TFEC: variants seen among roughly 807,000 people sequenced by gnomAD.
TFEC encodes transcription factor EC.
TFEC carries 31 observed loss-of-function variants against 41.6 expected under a neutral mutation model. The ratio of observed to expected loss-of-function variants is 0.74; its 90% confidence interval spans 0.56 to 1.01. TFEC has a LOEUF of 1.01. Among genes scored for constraint, TFEC ranks in the 50% least tolerant of loss-of-function variants. The pLI, the probability that TFEC is intolerant of heterozygous loss-of-function variation, is 0.00. For missense variants in TFEC, 402 were observed against 404.1 expected (o/e 0.99, Z 0.04); for synonymous variants, 143 against 140.6 (o/e 1.02, Z -0.12).
At chr7:115,967,625 CTG>C (rs1367750761) in intron 3 of TFEC, among the ~76,000 whole-genome samples, 1 of 151,710 alleles carries the variant, frequency 6.6e-6, no homozygotes, top group South Asian at 2.1e-4. Flanking sequence ...AGAAATCCCA[CTG>C]TGTTATTGCT....
chr7:115,995,934 T>C (rs1206324901), intron 1 of TFEC, among the ~76,000 whole-genome samples: 1 of 152,226 alleles, frequency 6.6e-6, no homozygotes, highest in African/African-American at 2.4e-5. Flanking sequence ...GTCAGAAGTT[T>C]AGTTCTTGCA....
chr7:116,039,655 A>G (rs1795989207), intron 3 of TFEC, among the ~76,000 whole-genome samples: 1 of 152,092 alleles, frequency 6.6e-6, no homozygotes, highest in Non-Finnish European at 1.5e-5. Flanking sequence ...AATTATTATT[A>G]AAGAAATAAA....
At chr7:115,965,513 C>A (rs180771891) in intron 3 of TFEC, among the ~76,000 whole-genome samples, 1 of 151,498 alleles carries the variant, frequency 6.6e-6, no homozygotes, top group Admixed American at 6.6e-5. Context: ...AAAATAGCAC[C>A]CTTTTTTTTC....
At chr7:115,962,802 T>C (rs997921507) in intron 3 of TFEC, among the ~76,000 whole-genome samples, 2 of 151,850 alleles carry the variant, frequency 1.3e-5, no homozygotes, top group Non-Finnish European at 2.9e-5. Flanking sequence ...CCAGAATATA[T>C]ACATAAAAAC....
intron 3 of TFEC, among the ~76,000 whole-genome samples, chr7:116,077,314 A>T (rs890837114): frequency 2.0e-5 from 3 of 152,158 alleles, no homozygotes; most frequent in African/African-American, 7.2e-5. Flanking sequence ...ATACACCAAA[A>T]TAGAACCTCC....
chr7:115,988,969 G>C (rs993375617), intron 1 of TFEC, among the ~76,000 whole-genome samples: 4 of 152,052 alleles, frequency 2.6e-5, no homozygotes, highest in African/African-American at 9.7e-5. Context: ...GGGATTGAGG[G>C]GGAAAAAACC....
chr7:116,033,078 T>C (rs982385194), upstream of TFEC, among the ~76,000 whole-genome samples: 1 of 151,928 alleles, frequency 6.6e-6, no homozygotes, highest in Non-Finnish European at 1.5e-5. Context: ...AAGATGCATT[T>C]CAGTTAATTA....
At chr7:116,055,301 C>G (rs1796400861) in intron 3 of TFEC, among the ~76,000 whole-genome samples, 1 of 151,956 alleles carries the variant, frequency 6.6e-6, no homozygotes, top group Non-Finnish European at 1.5e-5. Flanking sequence ...CAATTTGGAA[C>G]CAATACTGTA....
chr7:115,994,951 T>C (rs1053249472), intron 1 of TFEC, among the ~76,000 whole-genome samples: 1 of 152,098 alleles, frequency 6.6e-6, no homozygotes, highest in South Asian at 2.1e-4. Flanking sequence ...CCAACCCAAA[T>C]GTCCATCAAT....
intron 3 of TFEC, among the ~76,000 whole-genome samples, chr7:116,098,944 T>A (rs1797539849): frequency 6.6e-6 from 1 of 150,652 alleles, no homozygotes; most frequent in Admixed American, 6.6e-5. Context: ...TACAGATCAA[T>A]ATCTTTCATA....
chr7:116,126,414 G>A (rs1346860645), intron 1 of TFEC, among the ~76,000 whole-genome samples: 3 of 151,944 alleles, frequency 2.0e-5, no homozygotes, highest in East Asian at 3.9e-4. Context: ...AAACTAATAG[G>A]AGTCCCAAAA....
chr7:115,987,005 T>C (rs899388468), intron 1 of TFEC, among the ~76,000 whole-genome samples: 2 of 152,194 alleles, frequency 1.3e-5, no homozygotes, highest in Admixed American at 6.5e-5. Flanking sequence ...ATGTTACTCA[T>C]GCAAAAGAAG....
intron 3 of TFEC, among the ~76,000 whole-genome samples, chr7:116,051,787 T>C (rs1187920518): frequency 6.6e-6 from 1 of 152,118 alleles, no homozygotes; most frequent in Non-Finnish European, 1.5e-5. Context: ...TGGTCAGTAC[T>C]TTTCATGCAC....
chr7:116,011,334 T>C lies in TFEC; in HGVS notation c.-73+19299A>G, dbSNP rs528956559. ...GACTATCCTGCATGCTTTGAATATA[T>C]AATATCTCATTTAATTTCATGACCT... is the stretch of plus-strand genomic sequence containing the variant. On this transcript the variant is annotated intron_variant, in intron 1 of 7. Transcript: ENST00000265440. Among the ~76,000 whole-genome samples the C allele has an allele frequency of 1.4e-4, 21 of 152,286 alleles. No individual in the cohort carries two copies. In the East Asian group the frequency reaches 3.3e-3, roughly 24 times the overall value.
intron 6 of TFEC, among the ~76,000 whole-genome samples, chr7:115,950,288 A>G (rs1791864512): frequency 6.6e-6 from 1 of 152,150 alleles, no homozygotes. Flanking sequence ...CTGGGATTAC[A>G]GGCGTTCACA....
At chr7:116,000,320 A>G (rs1380106566) in intron 1 of TFEC, among the ~76,000 whole-genome samples, 1 of 152,158 alleles carries the variant, frequency 6.6e-6, no homozygotes, top group Non-Finnish European at 1.5e-5. Context: ...TCAATACAAT[A>G]AAAGCCACAT....
intron 1 of TFEC, among the ~76,000 whole-genome samples, chr7:116,021,444 A>G (rs1417197989): frequency 1.3e-5 from 2 of 152,188 alleles, no homozygotes; most frequent in Non-Finnish European, 2.9e-5. Context: ...CTGTATATGC[A>G]CAGGGGAAAA....
At chr7:116,015,332 A>G (rs1917060) in intron 1 of TFEC, among the ~76,000 whole-genome samples, 84,865 of 151,732 alleles carry the variant, frequency 0.56, 24,213 homozygotes, top group Non-Finnish European at 0.62. Flanking sequence ...AAATGCTCTA[A>G]TAGTAGAAGT....
intron 6 of TFEC, 46 bp downstream of exon 6, chr7:115,950,828 G>T (rs541455458): frequency 7.0e-7 from 1 of 1,424,198 alleles, no homozygotes. Flanking sequence ...TCATTTTGGG[G>T]GTCTTTAAAT....
Sources: gnomAD v4.1 joint callset for allele counts (sites outside exome capture counted in the v4.1 genomes callset) on GRCh38, gnomAD v4.1.1 for gene constraint, MANE v1.5 for transcripts, NCBI Gene and HGNC (gene_info 2026-07-23, HGNC 2026-07-21) for gene names.